DNAJA1: variants seen among roughly 807,000 people sequenced by gnomAD.
DNAJA1 encodes the protein dnaJ homolog subfamily A member 1.
DNAJA1 carries 26 observed loss-of-function variants against 47.6 expected under a neutral mutation model. That is an observed-to-expected ratio of 0.55 (90% CI 0.40 to 0.76). The LOEUF (loss-of-function observed/expected upper bound fraction) is 0.76, where lower values mean the gene tolerates loss of function less well. Among genes scored for constraint, DNAJA1 ranks in the 30% least tolerant of loss-of-function variants. The pLI is 0.00. For synonymous variants in DNAJA1, 165 were observed against 158.4 expected (o/e 1.04, Z -0.31); for missense variants, 315 against 485.0 (o/e 0.65, Z 3.29).
At position 33,037,885 on chromosome 9, in the gene DNAJA1, T is replaced by C. The variant is rs147909478; in HGVS notation, c.975+770T>C. Reference sequence around the variant, plus strand: ...AAGTTGAGAGGTGCTTTATAATAATTGCAGATTTCTTGGCAAAATAGTGTA... The same window carrying C: ...AAGTTGAGAGGTGCTTTATAATAATCGCAGATTTCTTGGCAAAATAGTGTA... On this transcript the variant is annotated intron_variant, in intron 8 of 8. Transcript: ENST00000330899. Among the ~76,000 whole-genome samples the C allele has an allele frequency of 2.1e-3, 313 of 152,306 alleles. 2 individuals are homozygous for C. The highest frequency in any genetic ancestry group is 7.3e-3 in the African/African-American group (304 of 41,574).
chr9:33,038,209 G>C (rs1396188676), intron 8 of DNAJA1, among the ~76,000 whole-genome samples: 3 of 152,072 alleles, frequency 2.0e-5, no homozygotes, highest in Admixed American at 2.0e-4. Flanking sequence ...GGCCAGGCTG[G>C]TCTCAAACTC....
intron 1 of DNAJA1, among the ~76,000 whole-genome samples, chr9:33,025,900 C>G (rs1838824697): frequency 6.6e-6 from 1 of 152,142 alleles, no homozygotes; most frequent in South Asian, 2.1e-4. Flanking sequence ...TCGGTCAGCG[C>G]CAAGTGCAAG....
At chr9:33,032,056 CTT>C (rs986023279) in intron 5 of DNAJA1, among the ~76,000 whole-genome samples, 5 of 152,184 alleles carry the variant, frequency 3.3e-5, no homozygotes, top group African/African-American at 1.2e-4. Flanking sequence ...ATGGTAATCT[CTT>C]TTCAGATTTT....
At chr9:33,033,977 G>A (rs1203260078) in intron 5 of DNAJA1, among the ~76,000 whole-genome samples, 1 of 152,122 alleles carries the variant, frequency 6.6e-6, no homozygotes, top group African/African-American at 2.4e-5. Context: ...ACTTCCCCAG[G>A]GTAATCCAGC....
intron 1 of DNAJA1, 135 bp downstream of exon 1, chr9:33,025,518 C>T (rs1838794165): frequency 6.6e-6 from 1 of 152,408 alleles, no homozygotes; most frequent in Non-Finnish European, 1.5e-5. Flanking sequence ...CACGATTTCC[C>T]TTTTGGAGGG....
chr9:33,035,091 C>G (rs1383529684), intron 6 of DNAJA1, among the ~76,000 whole-genome samples: 1 of 137,804 alleles, frequency 7.3e-6, no homozygotes, highest in Non-Finnish European at 1.5e-5. Flanking sequence ...ACATCTTAAA[C>G]TAGTTTAGGA....
At chr9:33,032,084 G>A (rs905640818) in intron 5 of DNAJA1, among the ~76,000 whole-genome samples, 7 of 152,114 alleles carry the variant, frequency 4.6e-5, no homozygotes, top group African/African-American at 1.7e-4. Context: ...TTATAAATGG[G>A]TCTACTATTA....
intron 2 of DNAJA1, 50 bp from the exon 3 acceptor site, chr9:33,026,759 CTAGG>C (rs1463345847): frequency 1.4e-5 from 22 of 1,595,750 alleles, no homozygotes; most frequent in Non-Finnish European, 1.9e-5. Context: ...TGTAATGTAG[CTAGG>C]TAACACTTGT....
chr9:33,026,537 C>T lies in DNAJA1; in HGVS notation c.53C>T (p.Thr18Ile), dbSNP rs372791211. The T allele has an allele frequency of 6.2e-7, 1 of 1,611,756 alleles. No individual in the cohort carries two copies. Among genetic ancestry groups the T allele is most frequent in the African/African-American group, 1.3e-5 (1 of 74,628 alleles). The change falls in exon 2 of 9, where the codon ACT becomes ATT. Residue 18 changes from threonine to isoleucine, a missense_variant. Transcript: ENST00000330899. ...GTTTTGGGGGTCAAACCCAATGCTA[C>T]TCAGGAAGAATTGAAAAAGGCTTAT... ...YDVLGVKPNA[T>I]QEELKKAYRK... is the part of the protein sequence containing the mutation.
At chr9:33,030,794 TAGC>T in intron 5 of DNAJA1, 127 bp downstream of exon 5, 1 of 811,346 alleles carries the variant, frequency 1.2e-6, no homozygotes, top group Admixed American at 2.9e-5. Flanking sequence ...AAATAACTCT[TAGC>T]AGCTTAGTAA....
chr9:33,026,661 A>C, intron 2 of DNAJA1, 45 bp downstream of exon 2: 1 of 1,579,700 alleles, frequency 6.3e-7, no homozygotes, highest in Non-Finnish European at 8.6e-7. Context: ...GTTCTTTGCC[A>C]GACGTATAGT....
chr9:33,030,756 T>G, intron 5 of DNAJA1, 89 bp downstream of exon 5: 1 of 1,116,846 alleles, frequency 9.0e-7, no homozygotes, highest in Non-Finnish European at 1.3e-6. Flanking sequence ...TCATTCTTAA[T>G]TAGGTTATAT....
intron 6 of DNAJA1, 143 bp downstream of exon 6, chr9:33,034,473 C>T (rs1167814604): frequency 1.6e-6 from 1 of 643,758 alleles, no homozygotes. Flanking sequence ...TTGTTCAGAT[C>T]ATAAGAGGTT....
intron 3 of DNAJA1, 33 bp downstream of exon 3, chr9:33,027,023 A>T (rs1554678148): frequency 6.2e-7 from 1 of 1,608,880 alleles, no homozygotes; most frequent in Non-Finnish European, 8.5e-7. Context: ...GCAGCTAACT[A>T]AAGTTAGCTG....
At chr9:33,037,217 A>G (rs1307491471) in intron 8 of DNAJA1, 102 bp downstream of exon 8, 1 of 920,290 alleles carries the variant, frequency 1.1e-6, no homozygotes, top group Non-Finnish European at 1.6e-6. Context: ...CATGCCTGTA[A>G]TCCCCGCATT....
At chr9:33,026,452 A>T in intron 1 of DNAJA1, 23 bp from the exon 2 acceptor site, 1 of 1,592,536 alleles carries the variant, frequency 6.3e-7, no homozygotes, top group South Asian at 1.2e-5. Flanking sequence ...AAAGCCGGTT[A>T]AAGTTGCATT....
chr9:33,039,316 A>G lies in DNAJA1; in HGVS notation c.*413A>G, dbSNP rs1839083173. 2.2e-5 allele frequency: 4 copies of G among 178,264 alleles called. 1 individual carries two copies. The South Asian group carries it at 4.6e-4, about 20-fold the overall frequency. The allele number at this position is 178,264 out of a possible 1,614,324, so 11.0% of individuals were successfully genotyped here. ...TGAGGAAAAAAAAATTTTGTAGAGAAGTGTTGGTCTGTATAGTTCTTTATA... is the reference window on the plus strand; with the variant it reads ...TGAGGAAAAAAAAATTTTGTAGAGAGGTGTTGGTCTGTATAGTTCTTTATA... On this transcript the variant is annotated 3_prime_UTR_variant, in exon 9 of 9. Transcript: ENST00000330899.
intron 5 of DNAJA1, among the ~76,000 whole-genome samples, chr9:33,033,726 A>G (rs1044037452): frequency 1.3e-5 from 2 of 152,184 alleles, no homozygotes; most frequent in African/African-American, 4.8e-5. Context: ...TTTTAGTTTT[A>G]TATATAAATA....
intron 7 of DNAJA1, 54 bp downstream of exon 7, chr9:33,036,743 G>T: frequency 7.4e-7 from 1 of 1,358,438 alleles, no homozygotes. Flanking sequence ...TATTTTCCTT[G>T]TCTCCTGTTA....
Sources: gnomAD v4.1 joint callset for allele counts (sites outside exome capture counted in the v4.1 genomes callset) on GRCh38, gnomAD v4.1.1 for gene constraint, MANE v1.5 for transcripts, NCBI Gene and HGNC (gene_info 2026-07-23, HGNC 2026-07-21) for gene names.